TUBD1: variants seen among roughly 807,000 people sequenced by gnomAD.
TUBD1 encodes tubulin delta 1.
Under a neutral mutation model 51.2 loss-of-function variants are expected in TUBD1, and 38 were observed. The observed-to-expected ratio is 0.74, with a 90% CI of 0.57 to 0.97. The LOEUF is 0.97. TUBD1 is among the 50% of genes least tolerant of loss of function. TUBD1 has a pLI of 0.00. For synonymous variants in TUBD1, 169 were observed against 178.2 expected (o/e 0.95, Z 0.41); for missense variants, 489 against 538.4 (o/e 0.91, Z 0.91).
At chr17:59,890,217 G>A (rs1201308835) in intron 2 of TUBD1, among the ~76,000 whole-genome samples, 1 of 152,162 alleles carries the variant, frequency 6.6e-6, no homozygotes. Flanking sequence ...ATGTGGGGCA[G>A]AAGCAGGATC....
At chr17:59,870,372 CAAAAAAAAAAAA>C (rs530315478) in intron 6 of TUBD1, among the ~76,000 whole-genome samples, 1 of 77,966 alleles carries the variant, frequency 1.3e-5, no homozygotes, top group Admixed American at 1.5e-4. Flanking sequence ...CTCCATCTCA[CAAAAAAAAAAAA>C]AAAAAAAAAA....
chr17:59,879,359 T>C lies in TUBD1; in HGVS notation c.538-1025A>G, dbSNP rs555963011. Among the ~76,000 whole-genome samples, 26 of 151,670 alleles carry C rather than the reference T, an allele frequency of 1.7e-4. 1 individual carries two copies. The South Asian group carries it at 5.4e-3, about 32-fold the overall frequency. On this transcript the variant is annotated intron_variant, in intron 4 of 8. Coordinates refer to ENST00000325752, the MANE Select transcript of TUBD1 (RefSeq NM_016261.4). ...GGCAATGGCACCATGAATCCCAACA[T>C]GAGGTCAAGGTGTCTGCTTTATGTA...
At chr17:59,886,328 A>G in intron 2 of TUBD1, 98 bp from the exon 3 acceptor site, 4 of 1,288,346 alleles carry the variant, frequency 3.1e-6, no homozygotes, top group Non-Finnish European at 4.2e-6. Flanking sequence ...AATCCAAAAA[A>G]AAAAAAAAAA....
At chr17:59,861,664 G>T (rs992110818) in intron 8 of TUBD1, among the ~76,000 whole-genome samples, 2 of 149,390 alleles carry the variant, frequency 1.3e-5, no homozygotes, top group South Asian at 4.2e-4. Flanking sequence ...GGGTTTTTTT[G>T]TTTGTTTGTT....
chr17:59,886,191 T>C lies in TUBD1; in HGVS notation c.212A>G (p.Lys71Arg), dbSNP rs761012485. Reference protein sequence around the residue: ...ARAVLVDMEPKVINQMLSKAA... With the variant: ...ARAVLVDMEPRVINQMLSKAA... ...CTTTGACAGCATTTGATTGATAACT[T>C]TGGGTTCCATGTCAACAAGAACAGC... The change falls in exon 3 of 9, where the codon AAA (lysine) becomes AGA (arginine). Residue 71 changes from lysine to arginine, a missense_variant. By Grantham distance (26) the Lys-to-Arg change is conservative. Transcript: ENST00000325752. The C allele has an allele frequency of 4.3e-6, 7 of 1,613,748 alleles. No individual in the cohort carries two copies. In the South Asian group the frequency reaches 5.5e-5, roughly 13 times the overall value.
chr17:59,860,839 G>A (rs1325980580), intron 8 of TUBD1, among the ~76,000 whole-genome samples: 2 of 151,606 alleles, frequency 1.3e-5, no homozygotes, highest in African/African-American at 2.4e-5. Context: ...CACCCGCCTC[G>A]GCCTCCCAAA....
At chr17:59,863,245 A>C (rs1030292188) in intron 8 of TUBD1, among the ~76,000 whole-genome samples, 3 of 152,150 alleles carry the variant, frequency 2.0e-5, no homozygotes, top group Admixed American at 6.6e-5. Context: ...TCATACCTTC[A>C]CACCTACAAA....
At chr17:59,879,294 A>G (rs1008260232) in intron 4 of TUBD1, among the ~76,000 whole-genome samples, 37 of 151,968 alleles carry the variant, frequency 2.4e-4, no homozygotes, top group African/African-American at 8.9e-4. Context: ...AAGGAAAGAA[A>G]TTTTCTCCCA....
rs149971805 is a variant in TUBD1, at chr17:59,868,842, T to A, written c.935-2093A>T. ...CGGAGCGAGACTCCATCTCAAAAAA[T>A]AAATAAATAAATAAATAAATAAGAA... On this transcript the variant is annotated intron_variant, in intron 6 of 8. Coordinates refer to ENST00000325752, the MANE Select transcript of TUBD1 (RefSeq NM_016261.4). Among the ~76,000 whole-genome samples the A allele has an allele frequency of 4.7e-3, 707 of 149,028 alleles. 17 individuals carry two copies. The highest frequency in any genetic ancestry group is 0.037 in the Admixed American group (549 of 14,866).
chr17:59,871,040 A>C (rs1366700168), intron 6 of TUBD1, among the ~76,000 whole-genome samples: 1 of 152,244 alleles, frequency 6.6e-6, no homozygotes, highest in Non-Finnish European at 1.5e-5. Context: ...TAGGATTGGG[A>C]ATCAGAACAA....
At chr17:59,869,195 G>A (rs541223686) in intron 6 of TUBD1, among the ~76,000 whole-genome samples, 1 of 151,882 alleles carries the variant, frequency 6.6e-6, no homozygotes, top group South Asian at 2.1e-4. Context: ...CTGACACCCG[G>A]CCGGGCATGG....
intron 7 of TUBD1, among the ~76,000 whole-genome samples, chr17:59,864,051 G>A (rs915827310): frequency 2.0e-5 from 3 of 151,910 alleles, no homozygotes; most frequent in Non-Finnish European, 2.9e-5. Context: ...AGACCAGCCT[G>A]GGCAACACAG....
chr17:59,867,011 T>C (rs2039737360), intron 6 of TUBD1, among the ~76,000 whole-genome samples: 1 of 152,060 alleles, frequency 6.6e-6, no homozygotes, highest in South Asian at 2.1e-4. Context: ...GCCAGGCTGG[T>C]CTCGAACTCC....
At chr17:59,878,386 G>A in intron 4 of TUBD1, 52 bp from the exon 5 acceptor site, 2 of 1,340,302 alleles carry the variant, frequency 1.5e-6, no homozygotes, top group Non-Finnish European at 1.1e-6. Flanking sequence ...TAATGGTTAA[G>A]ATTACAGATT....
chr17:59,868,702 T>C (rs1262450042), intron 6 of TUBD1, among the ~76,000 whole-genome samples: 3 of 152,078 alleles, frequency 2.0e-5, no homozygotes, highest in Admixed American at 2.0e-4. Context: ...CTGGGCGTGG[T>C]GGCACACGCC....
chr17:59,873,361 C>T (rs1322512693), intron 6 of TUBD1, among the ~76,000 whole-genome samples: 2 of 151,998 alleles, frequency 1.3e-5, no homozygotes, highest in African/African-American at 2.4e-5. Flanking sequence ...GTGATCCTCC[C>T]ACCTCAGCCT....
chr17:59,890,338 G>A (rs1245812549), intron 2 of TUBD1, among the ~76,000 whole-genome samples: 7 of 152,114 alleles, frequency 4.6e-5, no homozygotes, highest in African/African-American at 1.7e-4. Context: ...CTGCCTCCTG[G>A]GTTCAAGTGA....
intron 2 of TUBD1, among the ~76,000 whole-genome samples, chr17:59,889,353 G>A (rs1294556113): frequency 6.6e-6 from 1 of 151,122 alleles, no homozygotes; most frequent in African/African-American, 2.4e-5. Flanking sequence ...AAACGCAGTA[G>A]AGGAGTAAAG....
At chr17:59,874,188 C>CAAA (rs78920820) in intron 6 of TUBD1, among the ~76,000 whole-genome samples, 13 of 70,568 alleles carry the variant, frequency 1.8e-4, no homozygotes, top group Admixed American at 3.1e-4. Context: ...GACTCAGTCT[C>CAAA]AAAAAAAAAA....
Sources: allele counts gnomAD v4.1 joint callset (sites outside exome capture counted in the v4.1 genomes callset), GRCh38; gene constraint gnomAD v4.1.1; transcripts MANE v1.5; gene names NCBI Gene and HGNC (gene_info 2026-07-23, HGNC 2026-07-21).